SYMPK: variants seen among roughly 807,000 people sequenced by gnomAD.
The protein encoded by SYMPK is symplekin.
Under a neutral mutation model 136.4 loss-of-function variants are expected in SYMPK, and 49 were observed. The observed-to-expected ratio is 0.36, with a 90% CI of 0.29 to 0.46. The LOEUF (loss-of-function observed/expected upper bound fraction) is 0.46, where lower values mean the gene tolerates loss of function less well. SYMPK is among the 20% of genes least tolerant of loss of function. SYMPK has a pLI of 1.00. For missense variants in SYMPK, 1,365 were observed against 1,690.0 expected (o/e 0.81, Z 3.37); for synonymous variants, 766 against 713.0 (o/e 1.07, Z -1.19).
chr19:45,833,207 A>T lies in SYMPK; in HGVS notation c.1394-1619T>A, dbSNP rs561978417. Among the ~76,000 whole-genome samples the T allele has an allele frequency of 3.3e-5, 5 of 152,108 alleles. No homozygotes were observed. In the East Asian group the frequency reaches 9.7e-4, roughly 29 times the overall value. ...CACAAGAGCAAAACTCCATCTCAAA[A>T]AAATAAATAAATAAAAATAAACAAA... On this transcript the variant is annotated intron_variant, in intron 11 of 26. Coordinates refer to ENST00000245934, the MANE Select transcript of SYMPK (RefSeq NM_004819.3).
At chr19:45,826,490 C>T (rs2034711981) in intron 16 of SYMPK, 117 bp from the exon 17 acceptor site, 1 of 1,087,402 alleles carries the variant, frequency 9.2e-7, no homozygotes, top group Non-Finnish European at 1.3e-6. Context: ...AAGGGGCAGC[C>T]CAGCTGTTAC....
chr19:45,846,366 C>T (rs1468345560), intron 7 of SYMPK, among the ~76,000 whole-genome samples: 1 of 152,212 alleles, frequency 6.6e-6, no homozygotes, highest in African/African-American at 2.4e-5. Context: ...GTCACTGATA[C>T]TATTAAGTCA....
intron 18 of SYMPK, 90 bp from the exon 19 acceptor site, chr19:45,823,965 T>G: frequency 7.5e-6 from 7 of 938,016 alleles, no homozygotes; most frequent in Non-Finnish European, 8.2e-6. Context: ...CGGGGCATGC[T>G]GGCGCCCAGG....
chr19:45,841,933 G>A (rs991586751), intron 9 of SYMPK, among the ~76,000 whole-genome samples: 5 of 151,652 alleles, frequency 3.3e-5, no homozygotes, highest in Non-Finnish European at 5.9e-5. Flanking sequence ...TTTATTAAAC[G>A]TATATTTTGA....
rs142763385 is a variant in SYMPK, at chr19:45,818,127, C to T, written c.2913G>A (p.Ala971=). 2 of 1,550,816 alleles carry T rather than the reference C, an allele frequency of 1.3e-6. No homozygotes were observed. Residue 971 remains alanine (A), a synonymous_variant, in exon 23 of 27, where the codon GCG becomes GCA. Coordinates refer to ENST00000245934, the MANE Select transcript of SYMPK (RefSeq NM_004819.3). ...CCTCTGACGTGTACACGTTCCGCTC[C>T]GCAAAGCACAGGTTGGTGGCTGCGA... The part of the protein sequence containing the change: ...SIIKATNLCF[A]ERNVYTSEVL...
intron 5 of SYMPK, among the ~76,000 whole-genome samples, chr19:45,849,103 T>C (rs1413275321): frequency 2.0e-5 from 3 of 152,182 alleles, no homozygotes; most frequent in Admixed American, 1.3e-4. Context: ...AGGGCCCTGC[T>C]GTTCACATAA....
chr19:45,837,229 G>GT (rs753689895), intron 10 of SYMPK, among the ~76,000 whole-genome samples: 2 of 152,272 alleles, frequency 1.3e-5, no homozygotes, highest in Non-Finnish European at 1.5e-5. Context: ...CAAACATATG[G>GT]TATTTTATAC....
At chr19:45,830,324 CCT>C in intron 12 of SYMPK, 120 bp from the exon 13 acceptor site, 1 of 1,131,256 alleles carries the variant, frequency 8.8e-7, no homozygotes, top group Non-Finnish European at 1.3e-6. Context: ...CCCCCTGCTG[CCT>C]CTCCAGTTCC....
intron 18 of SYMPK, 136 bp downstream of exon 18, chr19:45,825,035 A>T: frequency 9.1e-7 from 1 of 1,095,928 alleles, no homozygotes; most frequent in Admixed American, 2.3e-5. Context: ...TGCAAGCTAC[A>T]CAGCCTGGGT....
In SYMPK at chr19:45,825,213, G is replaced by A. The variant is rs779801324; in HGVS notation, c.2448C>T (p.Ile816=). Residue 816 remains isoleucine (I), a synonymous_variant, in exon 18 of 27, where the codon ATC becomes ATT. Transcript: ENST00000245934. ...HELAAVYTEA[I]ADIKRTVLRV... is the part of the protein sequence containing the mutation. ...TCAGCACCGTCCGCTTGATGTCGGCGATGGCTTCAGTGTACACGGCCGCCA... is the reference window on the plus strand; with the variant it reads ...TCAGCACCGTCCGCTTGATGTCGGCAATGGCTTCAGTGTACACGGCCGCCA... 77 of 1,613,958 alleles carry A rather than the reference G, an allele frequency of 4.8e-5. No homozygotes were observed. Among genetic ancestry groups the A allele is most frequent in the South Asian group, 1.9e-4 (17 of 91,090 alleles).
chr19:45,831,912 C>T lies in SYMPK; in HGVS notation c.1394-324G>A, dbSNP rs928017721. Among the ~76,000 whole-genome samples the T allele has an allele frequency of 4.6e-5, 7 of 152,284 alleles. No homozygotes were observed. The East Asian group carries it at 1.2e-3, about 25-fold the overall frequency. On this transcript the variant is annotated intron_variant, in intron 11 of 26. Transcript: ENST00000245934. ...ACGGTGGTGCAATCAGGGCTCACTG[C>T]AGTCTTGACCTCCTGGGCTCAAGCA...
chr19:45,817,402 TG>T (rs1364863443), intron 23 of SYMPK, among the ~76,000 whole-genome samples: 2 of 147,934 alleles, frequency 1.4e-5, no homozygotes, highest in African/African-American at 2.5e-5. Context: ...CTGCGGGGTT[TG>T]GTTTTTTTGT....
chr19:45,827,455 G>A (rs1019553375), intron 16 of SYMPK, 55 bp downstream of exon 16: 38 of 1,298,722 alleles, frequency 2.9e-5, no homozygotes, highest in Middle Eastern at 1.9e-4. Context: ...CAGGATAGAG[G>A]CGGCCTCTGC....
In SYMPK at chr19:45,844,969, A is replaced by G. The variant is rs962382553; in HGVS notation, c.677-769T>C. 4.8e-4 allele frequency among the ~76,000 whole-genome samples: 73 copies of G among 152,238 alleles called. 1 individual carries two copies. The highest frequency in any genetic ancestry group is 2.1e-4 in the South Asian group (1 of 4,836). On this transcript the variant is annotated intron_variant, in intron 7 of 26. Coordinates refer to ENST00000245934, the MANE Select transcript of SYMPK (RefSeq NM_004819.3). ...ATTTTGATACAGGCATGCAATGCATAATTATCACCATCAGGGTAAATGGGG... is the reference window on the plus strand; with the variant it reads ...ATTTTGATACAGGCATGCAATGCATGATTATCACCATCAGGGTAAATGGGG...
Position 45,847,767 on chromosome 19 carries a change from G to A in SYMPK, c.661C>T (p.Pro221Ser), listed in dbSNP as rs1971601826. Reference protein sequence around the residue: ...ISLDRIPRDHPYIQYNVLWEE... With the variant: ...ISLDRIPRDHSYIQYNVLWEE... ...CAGTACTCACTGTACTGGATGTAGG[G>A]GTGGTCACGAGGGATGCGGTCCAGG... Residue 221 changes from proline (P) to serine (S), a missense_variant, in exon 7 of 27, where the codon CCC becomes TCC. By Grantham distance (74) the Pro-to-Ser change is moderately conservative (BLOSUM62 -1). This residue lies in a region of SYMPK where 237 missense variants were observed against 292.9 expected (regional missense o/e 0.81). Transcript: ENST00000245934. The A allele has an allele frequency of 6.2e-7, 1 of 1,613,764 alleles. No individual in the cohort carries two copies.
At chr19:45,846,185 G>A (rs1322163839) in intron 7 of SYMPK, among the ~76,000 whole-genome samples, 1 of 152,184 alleles carries the variant, frequency 6.6e-6, no homozygotes, top group Non-Finnish European at 1.5e-5. Flanking sequence ...GCAGTGAGCC[G>A]AGATAGCGCT....
chr19:45,858,097 C>A (rs1971877520), intron 1 of SYMPK, among the ~76,000 whole-genome samples: 1 of 152,168 alleles, frequency 6.6e-6, no homozygotes, highest in South Asian at 2.1e-4. Flanking sequence ...CAGCGCCCAG[C>A]CGAAAATGAC....
intron 11 of SYMPK, among the ~76,000 whole-genome samples, chr19:45,832,311 T>A (rs1600507041): frequency 6.6e-6 from 1 of 152,068 alleles, no homozygotes; most frequent in African/African-American, 2.4e-5. Context: ...CCAGCTAATT[T>A]TTTTGTTTTC....
chr19:45,850,367 A>G (rs1443882597), intron 5 of SYMPK, among the ~76,000 whole-genome samples: 1 of 152,268 alleles, frequency 6.6e-6, no homozygotes, highest in Non-Finnish European at 1.5e-5. Flanking sequence ...CAACTGATCC[A>G]TAGTATTACG....
Sources: allele counts gnomAD v4.1 joint callset (sites outside exome capture counted in the v4.1 genomes callset), GRCh38; gene constraint gnomAD v4.1.1; regional missense constraint gnomAD v4.1.1; transcripts MANE v1.5; gene names NCBI Gene and HGNC (gene_info 2026-07-23, HGNC 2026-07-21).